NLGN4Y: variants seen among roughly 807,000 people sequenced by gnomAD.
NLGN4Y encodes the protein neuroligin 4 Y-linked.
NLGN4Y carries 4 observed loss-of-function variants against 8.4 expected under a neutral mutation model. The ratio of observed to expected loss-of-function variants is 0.48; its 90% CI spans 0.23 to 1.09. The LOEUF (loss-of-function observed/expected upper bound fraction) is 1.09, where lower values mean the gene tolerates loss of function less well. NLGN4Y is among the 50% of genes least tolerant of loss of function. The probability of loss-of-function intolerance (pLI) is 0.19; values close to 1 mark genes in which losing one functional copy is unlikely to be tolerated. For missense variants in NLGN4Y, 90 were observed against 192.3 expected (o/e 0.47, Z 3.15); for synonymous variants, 35 against 75.6 (o/e 0.46, Z 2.78).
intron 2 of NLGN4Y, among the ~76,000 whole-genome samples, chrY:14,712,265 T>C: frequency 3.0e-5 from 1 of 32,949 alleles, no homozygotes; most frequent in Non-Finnish European, 7.5e-5. Context: ...AGCCCATCGG[T>C]AAATGATCCA....
chrY:14,652,811 C>T, intron 2 of NLGN4Y, among the ~76,000 whole-genome samples: 2 of 32,698 alleles, frequency 6.1e-5, no homozygotes, highest in Non-Finnish European at 1.5e-4. Flanking sequence ...ATTCTTGTTG[C>T]CTTGTAAAGG....
chrY:14,707,091 G>GTATATATA, intron 2 of NLGN4Y, among the ~76,000 whole-genome samples: 2 of 3,888 alleles, frequency 5.1e-4, no homozygotes, highest in African/African-American at 9.0e-4. Context: ...AATTTTATGT[G>GTATATATA]TATATATATA....
chrY:14,599,011 GT>G (rs2080417591), intron 1 of NLGN4Y, among the ~76,000 whole-genome samples: 1 of 26,128 alleles, frequency 3.8e-5, no homozygotes, highest in Admixed American at 4.0e-4. Flanking sequence ...ATGTATGTGT[GT>G]TTATATAGAT....
chrY:14,819,910 C>T, intron 4 of NLGN4Y, among the ~76,000 whole-genome samples: 1 of 33,239 alleles, frequency 3.0e-5, no homozygotes, highest in Non-Finnish European at 7.4e-5. Context: ...TAAGCCACTT[C>T]TATTTCAGTG....
intron 1 of NLGN4Y, among the ~76,000 whole-genome samples, chrY:14,613,317 C>T (rs1603501340): frequency 1.5e-4 from 5 of 32,692 alleles, no homozygotes; most frequent in Non-Finnish European, 7.5e-5. Flanking sequence ...TGTCTCACTG[C>T]GGTTCCAGGC....
intron 2 of NLGN4Y, chrY:14,640,220 C>A: frequency 8.3e-6 from 1 of 121,005 alleles, no homozygotes; most frequent in South Asian, 4.0e-5. Flanking sequence ...TGCTTGTTGC[C>A]AATGGAGCTG....
intron 4 of NLGN4Y, among the ~76,000 whole-genome samples, chrY:14,812,851 T>C: frequency 9.1e-5 from 3 of 32,891 alleles, no homozygotes; most frequent in Non-Finnish European, 2.2e-4. Flanking sequence ...AATCACACCA[T>C]TAGAATATTG....
intron 1 of NLGN4Y, among the ~76,000 whole-genome samples, chrY:14,550,552 G>A: frequency 2.9e-5 from 1 of 34,039 alleles, no homozygotes; most frequent in Non-Finnish European, 7.3e-5. Flanking sequence ...TCCTTCAGGA[G>A]CTCCTGTAAG....
chrY:14,735,023 C>T (rs778395466), intron 4 of NLGN4Y, among the ~76,000 whole-genome samples: 8 of 34,024 alleles, frequency 2.4e-4, no homozygotes, highest in Non-Finnish European at 3.7e-4. Flanking sequence ...CTGTAAAGAG[C>T]GTGCCTCTAA....
At chrY:14,596,317 G>A (rs2080397090) in intron 1 of NLGN4Y, among the ~76,000 whole-genome samples, 3 of 33,386 alleles carry the variant, frequency 9.0e-5, no homozygotes, top group African/African-American at 3.5e-4. Context: ...GAGTCCTGGA[G>A]TTTATACTAG....
intron 4 of NLGN4Y, among the ~76,000 whole-genome samples, chrY:14,817,282 C>T: frequency 3.0e-5 from 1 of 33,661 alleles, no homozygotes; most frequent in Non-Finnish European, 7.4e-5. Flanking sequence ...TTCCATTCCA[C>T]TAGATGAGTA....
intron 1 of NLGN4Y, among the ~76,000 whole-genome samples, chrY:14,594,584 GTT>G (rs2080387379): frequency 3.1e-5 from 1 of 32,689 alleles, no homozygotes; most frequent in Non-Finnish European, 7.4e-5. Context: ...TCTAGATTTT[GTT>G]CAGGGCCCAG....
At chrY:14,605,525 T>G in intron 1 of NLGN4Y, among the ~76,000 whole-genome samples, 1 of 32,826 alleles carries the variant, frequency 3.0e-5, no homozygotes, top group Non-Finnish European at 7.4e-5. Flanking sequence ...TATAAAACAA[T>G]TAATGGGATT....
chrY:14,769,730 G>A (rs2081101735), intron 4 of NLGN4Y, among the ~76,000 whole-genome samples: 1 of 32,575 alleles, frequency 3.1e-5, no homozygotes, highest in African/African-American at 1.2e-4. Context: ...GAGGGCTGAA[G>A]CCAGGGAGCC....
intron 4 of NLGN4Y, among the ~76,000 whole-genome samples, chrY:14,774,988 C>T (rs2081120396): frequency 3.1e-5 from 1 of 32,056 alleles, no homozygotes; most frequent in South Asian, 7.1e-4. Flanking sequence ...GGGAACATCA[C>T]GCACCCGGGC....
Position 14,541,889 on chromosome Y carries a change from G to A in NLGN4Y, c.-112+17181G>A. On this transcript the variant is annotated intron_variant, in intron 1 of 6. Coordinates refer to ENST00000684976, the MANE Select transcript of NLGN4Y (RefSeq NM_001365588.1). ...AGACCATTGACACTATGAAGAAACT[G>A]CATCAAATAATGTGCAAAATAACCA... 9.0e-5 allele frequency among the ~76,000 whole-genome samples: 3 copies of A among 33,501 alleles called. No individual in the cohort carries two copies. In the East Asian group the frequency reaches 2.4e-3, roughly 26 times the overall value. 89.9% of individuals were successfully genotyped at this position (33,501 alleles called of 37,273 possible).
At chrY:14,758,565 A>G in intron 4 of NLGN4Y, among the ~76,000 whole-genome samples, 1 of 33,792 alleles carries the variant, frequency 3.0e-5, no homozygotes, top group Non-Finnish European at 7.3e-5. Flanking sequence ...CACTAAGGCA[A>G]AGGCTGCACT....
At chrY:14,745,482 A>T (rs904814707) in intron 4 of NLGN4Y, among the ~76,000 whole-genome samples, 1 of 33,201 alleles carries the variant, frequency 3.0e-5, no homozygotes, top group Non-Finnish European at 7.4e-5. Context: ...GTCCTTGTGG[A>T]TCTGCTAAGA....
intron 2 of NLGN4Y, among the ~76,000 whole-genome samples, chrY:14,666,346 G>C: frequency 3.0e-5 from 1 of 33,447 alleles, no homozygotes. Context: ...CCAAAGTGCT[G>C]GGATTCTAGA....
Sources: gnomAD v4.1 joint callset for allele counts (sites outside exome capture counted in the v4.1 genomes callset) on GRCh38, gnomAD v4.1.1 for gene constraint, MANE v1.5 for transcripts, NCBI Gene and HGNC (gene_info 2026-07-23, HGNC 2026-07-21) for gene names.